Variants in LAMA2 observed in about 807,000 individuals in gnomAD.
LAMA2 encodes the protein laminin subunit alpha 2.
LAMA2 carries 269 observed loss-of-function variants against 364.8 expected under a neutral mutation model. The ratio of observed to expected loss-of-function variants is 0.74; its 90% CI spans 0.67 to 0.82. LAMA2 has a LOEUF of 0.82. Ranked by LOEUF, LAMA2 falls within the 40% of genes least tolerant of loss-of-function variation. The probability of loss-of-function intolerance (pLI) is 0.00; values close to 1 mark genes in which losing one functional copy is unlikely to be tolerated. For missense variants in LAMA2, 3,807 were observed against 3,873.2 expected (o/e 0.98, Z 0.45); for synonymous variants, 1,379 against 1,370.6 (o/e 1.01, Z -0.14).
chr6:129,227,529 T>C (rs1310492789), intron 12 of LAMA2, among the ~76,000 whole-genome samples: 2 of 152,256 alleles, frequency 1.3e-5, no homozygotes, highest in Non-Finnish European at 2.9e-5. Context: ...TTTCTATTTG[T>C]TAGTTTTCCT....
At chr6:129,422,576 C>A (rs913972317) in intron 40 of LAMA2, among the ~76,000 whole-genome samples, 4 of 152,074 alleles carry the variant, frequency 2.6e-5, no homozygotes, top group Non-Finnish European at 5.9e-5. Context: ...ATATTATGAA[C>A]AATTTTATGG....
At chr6:129,319,749 G>C (rs1026964100) in intron 27 of LAMA2, among the ~76,000 whole-genome samples, 1 of 152,132 alleles carries the variant, frequency 6.6e-6, no homozygotes, top group Non-Finnish European at 1.5e-5. Context: ...AAGCCATACT[G>C]ATAACATAGT....
intron 1 of LAMA2, among the ~76,000 whole-genome samples, chr6:128,888,280 G>T (rs1192783876): frequency 6.6e-6 from 1 of 152,152 alleles, no homozygotes; most frequent in African/African-American, 2.4e-5. Flanking sequence ...AATTGGTGGG[G>T]TTGGGCCTAT....
chr6:128,928,944 G>A (rs2114508791), intron 1 of LAMA2: 1 of 861,114 alleles, frequency 1.2e-6, no homozygotes, highest in Non-Finnish European at 2.0e-6. Flanking sequence ...ACAGATAAGG[G>A]AGTAGAGGAG....
At chr6:129,111,333 G>A (rs748075026) in intron 4 of LAMA2, among the ~76,000 whole-genome samples, 9 of 151,836 alleles carry the variant, frequency 5.9e-5, no homozygotes, top group Non-Finnish European at 1.2e-4. Flanking sequence ...TTCTAATCAG[G>A]GATAACAAAA....
intron 4 of LAMA2, among the ~76,000 whole-genome samples, chr6:129,111,097 C>G (rs919639250): frequency 6.6e-6 from 1 of 152,004 alleles, no homozygotes; most frequent in Non-Finnish European, 1.5e-5. Context: ...GTTATGATTA[C>G]ACTTTATAAG....
intron 3 of LAMA2, among the ~76,000 whole-genome samples, chr6:129,088,858 C>A (rs1774605114): frequency 6.6e-6 from 1 of 151,848 alleles, no homozygotes; most frequent in Non-Finnish European, 1.5e-5. Context: ...GGGCTCCTTA[C>A]ATCCCAGACG....
In LAMA2 at chr6:129,171,717, G is replaced by T. The variant is rs1181165475; in HGVS notation, c.1307-5989G>T. On this transcript the variant is annotated intron_variant, in intron 9 of 64. Coordinates refer to ENST00000421865, the MANE Select transcript of LAMA2 (RefSeq NM_000426.4). ...TCTGTATTTCCTGAATCTGAACGTTGGCCTGCCTTGCTAGATTGGGGAAGT... is the reference window on the plus strand; with the variant it reads ...TCTGTATTTCCTGAATCTGAACGTTTGCCTGCCTTGCTAGATTGGGGAAGT... Among the ~76,000 whole-genome samples, 513 of 126,080 alleles carry T rather than the reference G, an allele frequency of 4.1e-3. 4 individuals carry two copies. Among genetic ancestry groups the T allele is most frequent in the African/African-American group, 0.014 (431 of 31,922 alleles). The allele number at this position is 126,080 out of a possible 152,430, so 82.7% of individuals were successfully genotyped here.
intron 17 of LAMA2, among the ~76,000 whole-genome samples, chr6:129,278,299 A>G (rs1489120628): frequency 6.6e-6 from 1 of 152,222 alleles, no homozygotes; most frequent in Non-Finnish European, 1.5e-5. Context: ...ATAAAAAACA[A>G]TTGGTATGGT....
At chr6:128,994,444 G>A (rs371206726) in intron 1 of LAMA2, among the ~76,000 whole-genome samples, 12 of 152,290 alleles carry the variant, frequency 7.9e-5, no homozygotes, top group African/African-American at 1.4e-4. Context: ...GAAACACTAC[G>A]AGTTCTTATG....
At chr6:129,019,295 A>G (rs1391891419) in intron 1 of LAMA2, among the ~76,000 whole-genome samples, 1 of 150,938 alleles carries the variant, frequency 6.6e-6, no homozygotes, top group African/African-American at 2.4e-5. Flanking sequence ...ATTTATCTGC[A>G]TTATTATTAA....
rs750707004 is a variant in LAMA2, at chr6:129,366,208, C to A, written c.4718-11C>A. 6.2e-7 allele frequency: 1 copy of A among 1,613,328 alleles called. No homozygotes were observed. Among genetic ancestry groups the A allele is most frequent in the African/African-American group, 1.3e-5 (1 of 74,814 alleles). ...CAGAAGTAACTACTCTTTGTCACTT[C>A]TCTTTCACAGTTTGTGGAGATGAGT... On this transcript the variant is annotated splice_polypyrimidine_tract_variant and intron_variant, in intron 32 of 64. Transcript: ENST00000421865.
chr6:129,184,540 A>G (rs1333670129), intron 10 of LAMA2, among the ~76,000 whole-genome samples: 1 of 151,808 alleles, frequency 6.6e-6, no homozygotes, highest in East Asian at 1.9e-4. Flanking sequence ...TGTGTTAAGA[A>G]CACCTTACCC....
At position 129,287,975 on chromosome 6, in the gene LAMA2, G is replaced by A; in HGVS notation, c.2666G>A (p.Cys889Tyr). 6.2e-7 allele frequency: 1 copy of A among 1,614,140 alleles called. No homozygotes were observed. Among genetic ancestry groups the A allele is most frequent in the Non-Finnish European group, 8.5e-7 (1 of 1,179,986 alleles). ...CDSLSGSCLICKPGTTGRYCE... is the reference protein window; with the variant it reads ...CDSLSGSCLIYKPGTTGRYCE... ...AGCTTGTCTGGCTCCTGTCTGATAT[G>A]TAAACCAGGTACAACAGGCCGGTAC... The change falls in exon 19 of 65, where the codon TGT becomes TAT. Residue 889 changes from cysteine to tyrosine, a missense_variant. Physicochemically the swap from Cys to Tyr is radical, Grantham distance 194. Around this residue, in one of 3 missense-constraint regions of LAMA2, gnomAD observed 3,333 missense variants for 3,345.7 expected, o/e 1.00. Transcript: ENST00000421865.
At chr6:129,130,062 G>A (rs928431068) in intron 4 of LAMA2, among the ~76,000 whole-genome samples, 1 of 152,128 alleles carries the variant, frequency 6.6e-6, no homozygotes, top group Non-Finnish European at 1.5e-5. Context: ...AGAGCATATG[G>A]TATTCCAGTG....
At chr6:129,458,685 C>T (rs1407878469) in intron 48 of LAMA2, among the ~76,000 whole-genome samples, 27 of 152,068 alleles carry the variant, frequency 1.8e-4, no homozygotes. Flanking sequence ...TTCTATGCGG[C>T]TGTGCAATAC....
intron 1 of LAMA2, among the ~76,000 whole-genome samples, chr6:128,990,484 A>G (rs973330243): frequency 1.3e-5 from 2 of 152,056 alleles, no homozygotes; most frequent in Non-Finnish European, 2.9e-5. Flanking sequence ...CTGTGCTTCA[A>G]CTCCCTATTA....
At chr6:128,911,543 T>G (rs541156953) in intron 1 of LAMA2, among the ~76,000 whole-genome samples, 85 of 152,240 alleles carry the variant, frequency 5.6e-4, no homozygotes, top group African/African-American at 2.0e-3. Context: ...TGTCTGGCAT[T>G]CCTTAGTGAG....
At chr6:129,296,987 T>C (rs1388472314) in intron 20 of LAMA2, among the ~76,000 whole-genome samples, 2 of 152,180 alleles carry the variant, frequency 1.3e-5, no homozygotes. Context: ...ATAAGAGATA[T>C]GCATATGAAT....
Sources: allele counts gnomAD v4.1 joint callset (sites outside exome capture counted in the v4.1 genomes callset), GRCh38; gene constraint gnomAD v4.1.1; regional missense constraint gnomAD v4.1.1; transcripts MANE v1.5; gene names NCBI Gene and HGNC (gene_info 2026-07-23, HGNC 2026-07-21).